CFAP251: variants seen among roughly 807,000 people sequenced by gnomAD.
The protein encoded by CFAP251 is cilia and flagella associated protein 251, also known as cilia- and flagella-associated protein 251.
In CFAP251, 93 loss-of-function variants were observed where a neutral mutation model predicts 126.7. That is an observed-to-expected ratio of 0.73 (90% CI 0.62 to 0.87). The LOEUF (loss-of-function observed/expected upper bound fraction) is 0.87, where lower values mean the gene tolerates loss of function less well. Ranked by LOEUF, CFAP251 falls within the 40% of genes least tolerant of loss-of-function variation. CFAP251 has a pLI of 0.00. For synonymous variants in CFAP251, 503 were observed against 506.9 expected (o/e 0.99, Z 0.10); for missense variants, 1,287 against 1,389.2 (o/e 0.93, Z 1.17).
At chr12:121,926,021 ATTTT>A (rs35760212) in intron 3 of CFAP251, among the ~76,000 whole-genome samples, 5 of 97,502 alleles carry the variant, frequency 5.1e-5, no homozygotes, top group East Asian at 3.0e-4. Context: ...ATTTTTTGTA[ATTTT>A]TTTTTTTTTT....
chr12:122,003,783 A>G lies in CFAP251; in HGVS notation c.*19A>G. On this transcript the variant is annotated 3_prime_UTR_variant, in exon 22 of 22. Coordinates refer to ENST00000288912, the MANE Select transcript of CFAP251 (RefSeq NM_144668.6). ...TCAGTGAAGTTACCAGGAATGTTTA[A>G]AGCACAAAGGACTTTGGGTGTGTGT... is the stretch of plus-strand genomic sequence containing the variant. The G allele has an allele frequency of 6.3e-7, 1 of 1,588,720 alleles. No homozygotes were observed. The highest frequency in any genetic ancestry group is 2.3e-5 in the East Asian group (1 of 43,886).
At chr12:121,926,900 C>T (rs139140213) in intron 3 of CFAP251, among the ~76,000 whole-genome samples, 24 of 152,242 alleles carry the variant, frequency 1.6e-4, no homozygotes, top group Non-Finnish European at 3.1e-4. Flanking sequence ...GCCAAGATTG[C>T]GCCATTGCAC....
chr12:121,944,461 G>A (rs1411319354), intron 7 of CFAP251, among the ~76,000 whole-genome samples: 1 of 152,190 alleles, frequency 6.6e-6, no homozygotes. Flanking sequence ...TGAATCTGTA[G>A]ATCACTTTGG....
At chr12:121,999,571 A>T in intron 19 of CFAP251, 145 bp from the exon 20 acceptor site, 1 of 595,658 alleles carries the variant, frequency 1.7e-6, no homozygotes, top group Non-Finnish European at 2.9e-6. Context: ...CCTGGCCTCA[A>T]GTGATCCTTT....
In CFAP251 at chr12:121,968,002, C is replaced by G; in HGVS notation, c.2608-4C>G. ...TGAATATCCAATTATGTGTTCCTTT[C>G]TAGGTGGGACTTCAGATCTTACCAG... On this transcript the variant is annotated splice_polypyrimidine_tract_variant and splice_region_variant and intron_variant, in intron 16 of 21. Coordinates refer to ENST00000288912, the MANE Select transcript of CFAP251 (RefSeq NM_144668.6). 2 of 1,594,520 alleles carry G rather than the reference C, an allele frequency of 1.3e-6. No homozygotes were observed. The highest frequency in any genetic ancestry group is 1.7e-6 in the Non-Finnish European group (2 of 1,164,342).
chr12:121,935,716 C>T (rs1880866783), intron 5 of CFAP251, among the ~76,000 whole-genome samples: 1 of 152,200 alleles, frequency 6.6e-6, no homozygotes, highest in African/African-American at 2.4e-5. Context: ...AAGGCAGGCT[C>T]ACTTCGATCA....
At chr12:121,982,222 TAA>T in intron 19 of CFAP251, among the ~76,000 whole-genome samples, 2 of 151,912 alleles carry the variant, frequency 1.3e-5, no homozygotes, top group Non-Finnish European at 2.9e-5. Context: ...TTTTTTTTTT[TAA>T]GAGGCAGTGT....
At chr12:121,946,254 A>T (rs960464417) in intron 7 of CFAP251, among the ~76,000 whole-genome samples, 1 of 152,232 alleles carries the variant, frequency 6.6e-6, no homozygotes, top group Non-Finnish European at 1.5e-5. Flanking sequence ...ATTGTTGAAT[A>T]GTAGTGCATT....
At chr12:121,959,913 C>T (rs1484097345) in intron 13 of CFAP251, among the ~76,000 whole-genome samples, 1 of 152,068 alleles carries the variant, frequency 6.6e-6, no homozygotes, top group Non-Finnish European at 1.5e-5. Context: ...TTGCTTGAGG[C>T]AGGAGTTCGA....
chr12:121,919,144 T>TTATTA (rs370472796), intron 1 of CFAP251, among the ~76,000 whole-genome samples: 7 of 22,512 alleles, frequency 3.1e-4, no homozygotes, highest in Admixed American at 2.6e-3. Flanking sequence ...ATTATTATTA[T>TTATTA]TTTTTTTTTA....
intron 4 of CFAP251, among the ~76,000 whole-genome samples, chr12:121,933,872 G>C (rs190170438): frequency 1.5e-4 from 23 of 152,210 alleles, no homozygotes; most frequent in Middle Eastern, 3.4e-3. Flanking sequence ...TTTTGCCCCA[G>C]AGCTGCTCAG....
At chr12:121,980,233 A>G (rs1302820047) in intron 19 of CFAP251, among the ~76,000 whole-genome samples, 2 of 152,190 alleles carry the variant, frequency 1.3e-5, no homozygotes, top group Admixed American at 1.3e-4. Flanking sequence ...CATGGGGACT[A>G]TGACCAGATG....
At position 121,923,727 on chromosome 12, in the gene CFAP251, G is replaced by T. The variant is rs779423617; in HGVS notation, c.484G>T (p.Asp162Tyr). Residue 162 changes from aspartate (D) to tyrosine (Y), a missense_variant, in exon 3 of 22, where the codon GAT becomes TAT. Transcript: ENST00000288912. ...LSTQIEFLDL[D>Y]QISPEEQQIS... Reference sequence around the variant, plus strand: ...CACACAAATTGAATTTCTTGATTTGGATCAAATCAGTCCTGAGGAACAACA... The same window carrying T: ...CACACAAATTGAATTTCTTGATTTGTATCAAATCAGTCCTGAGGAACAACA... 2 of 1,613,656 alleles carry T rather than the reference G, an allele frequency of 1.2e-6. No individual in the cohort carries two copies. Among genetic ancestry groups the T allele is most frequent in the Admixed American group, 1.7e-5 (1 of 59,982 alleles).
rs1048182087 is a variant in CFAP251, at chr12:121,968,036, A to G, written c.2638A>G (p.Asn880Asp). The change falls in exon 17 of 22, where the codon AAT (asparagine) becomes GAT (aspartate). Residue 880 changes from asparagine (N) to aspartate (D), a missense_variant. Transcript: ENST00000288912. Reference sequence around the variant, plus strand: ...ACTTCAGATCTTACCAGTTGACGGCAATCCACATAAGACATCTGCTATTGT... The same window carrying G: ...ACTTCAGATCTTACCAGTTGACGGCGATCCACATAAGACATCTGCTATTGT... The part of the protein sequence containing the change: ...VGLQILPVDG[N>D]PHKTSAIVCH... 6.2e-7 allele frequency: 1 copy of G among 1,610,328 alleles called. No homozygotes were observed. Among genetic ancestry groups the G allele is most frequent in the Non-Finnish European group, 8.5e-7 (1 of 1,177,046 alleles).
rs541213577 is a variant in CFAP251 at position 121,943,345 on chromosome 12, G to A, written c.1191+370G>A. Among the ~76,000 whole-genome samples the A allele has an allele frequency of 4.0e-4, 61 of 152,292 alleles. 1 individual carries two copies. In the East Asian group the frequency reaches 0.011, roughly 27 times the overall value. On this transcript the variant is annotated intron_variant, in intron 7 of 21. Transcript: ENST00000288912. ...CAAAAACAAAGTTCTACAAATGCCAGGCCAAAACCTACTTTTTGTTTCAGT... is the reference window on the plus strand; with the variant it reads ...CAAAAACAAAGTTCTACAAATGCCAAGCCAAAACCTACTTTTTGTTTCAGT...
chr12:121,992,128 A>T, intron 19 of CFAP251: 1 of 830,404 alleles, frequency 1.2e-6, no homozygotes, highest in Non-Finnish European at 1.5e-6. Flanking sequence ...GACAACCACC[A>T]GTGCGTCTGG....
intron 3 of CFAP251, among the ~76,000 whole-genome samples, chr12:121,924,359 C>A (rs1880318121): frequency 6.6e-6 from 1 of 151,560 alleles, no homozygotes; most frequent in African/African-American, 2.4e-5. Flanking sequence ...AGATCATCCA[C>A]CTGCTTCGGT....
intron 5 of CFAP251, among the ~76,000 whole-genome samples, chr12:121,941,330 C>CCTTT (rs369768575): frequency 1.6e-4 from 14 of 87,696 alleles, no homozygotes; most frequent in African/African-American, 6.8e-4. Flanking sequence ...CCATGCTGGC[C>CCTTT]TTTTTTTTTT....
rs975095847 is a variant in CFAP251 at position 121,989,507 on chromosome 12, C to T, written c.3007-10209C>T. On this transcript the variant is annotated intron_variant, in intron 19 of 21. Coordinates refer to ENST00000288912, the MANE Select transcript of CFAP251 (RefSeq NM_144668.6). This position sits in a 1 kb window ranked among gnomAD's most constrained non-coding sequence, Gnocchi z 4.2. Reference sequence around the variant, plus strand: ...AGTGTTGCATGAATCGCAGAGGGGGCGCTCACAGGGGTCTCCAGATGTGGC... The same window carrying T: ...AGTGTTGCATGAATCGCAGAGGGGGTGCTCACAGGGGTCTCCAGATGTGGC... Among the ~76,000 whole-genome samples the T allele has an allele frequency of 7.2e-5, 11 of 152,152 alleles. No individual in the cohort carries two copies. The highest frequency in any genetic ancestry group is 1.9e-4 in the East Asian group (1 of 5,180).
Sources: gnomAD v4.1 joint callset for allele counts (sites outside exome capture counted in the v4.1 genomes callset) on GRCh38, gnomAD v4.1.1 for gene constraint, Gnocchi (gnomAD v3.1) non-coding constraint, MANE v1.5 for transcripts, NCBI Gene and HGNC (gene_info 2026-07-23, HGNC 2026-07-21) for gene names.